The following PVR variants were observed in gnomAD, a reference collection of about 807,000 sequenced individuals.
The protein encoded by PVR is PVR cell adhesion molecule.
A neutral mutation model predicts 43.3 loss-of-function variants in PVR; 39 were observed. That is an observed-to-expected ratio of 0.90 (90% CI 0.70 to 1.18). The LOEUF is 1.18. Among genes scored for constraint, PVR ranks in the 50% most tolerant of loss-of-function variants. PVR has a pLI of 0.00. For missense variants in PVR, 480 were observed against 549.7 expected (o/e 0.87, Z 1.27); for synonymous variants, 224 against 233.2 (o/e 0.96, Z 0.36).
chr19:44,656,659 T>TGGAGAAGACAAAGC (rs1973454898), intron 4 of PVR, among the ~76,000 whole-genome samples: 2 of 152,096 alleles, frequency 1.3e-5, no homozygotes, highest in Non-Finnish European at 2.9e-5. Flanking sequence ...ATAAATACCA[T>TGGAGAAGACAAAGC]GGAGAAGACA....
At position 44,645,098 on chromosome 19, in the gene PVR, T is replaced by C. The variant is rs1416764884; in HGVS notation, c.79+923T>C. ...ATATAATATATAATAAAATATATAATATATATTATAGTAATATATAATATA... is the reference window on the plus strand; with the variant it reads ...ATATAATATATAATAAAATATATAACATATATTATAGTAATATATAATATA... On this transcript the variant is annotated intron_variant, in intron 1 of 7. Transcript: ENST00000425690. Among the ~76,000 whole-genome samples the C allele has an allele frequency of 4.8e-4, 45 of 94,528 alleles. 1 individual carries two copies. Among genetic ancestry groups the C allele is most frequent in the African/African-American group, 2.0e-3 (42 of 21,416 alleles). 62.0% of individuals were successfully genotyped at this position (94,528 alleles called of 152,430 possible). A position where few individuals can be genotyped will look rare whatever the true frequency, so the allele number is the denominator to read the frequency against.
intron 1 of PVR, among the ~76,000 whole-genome samples, chr19:44,645,413 G>GTATATATATATATATATATATA (rs1278079157): frequency 5.8e-5 from 3 of 52,092 alleles, no homozygotes; most frequent in African/African-American, 2.7e-4. Flanking sequence ...TATATGTTTT[G>GTATATATATATATATATATATA]TGTATATATA....
chr19:44,649,744 T>C (rs1363623377), intron 2 of PVR, 65 bp from the exon 3 acceptor site: 2 of 1,546,132 alleles, frequency 1.3e-6, no homozygotes, highest in South Asian at 1.2e-5. Flanking sequence ...GTACCCTTAA[T>C]GAATGCCCCC....
At chr19:44,644,254 G>A in intron 1 of PVR, 79 bp downstream of exon 1, 2 of 1,180,034 alleles carry the variant, frequency 1.7e-6, no homozygotes, top group Non-Finnish European at 2.3e-6. Context: ...GCCCCCTTGG[G>A]TTCCCGAAGA....
At position 44,647,350 on chromosome 19, in the gene PVR, T is replaced by C; in HGVS notation, c.207T>C (p.His69=). The C allele has an allele frequency of 6.2e-7, 1 of 1,613,774 alleles. No homozygotes were observed. Among genetic ancestry groups the C allele is most frequent in the Non-Finnish European group, 8.5e-7 (1 of 1,179,904 alleles). ...TGTCACAGCTGACTTGGGCGCGGCA[T>C]GGTGAATCTGGCAGCATGGCCGTCT... ...THVSQLTWAR[H]GESGSMAVFH... Residue 69 remains histidine (H), a synonymous_variant, in exon 2 of 8, where the codon CAT becomes CAC. Coordinates refer to ENST00000425690, the MANE Select transcript of PVR (RefSeq NM_006505.5).
rs115624454 is a variant in PVR at position 44,656,067 on chromosome 19, C to T, written c.843-1695C>T. On this transcript the variant is annotated intron_variant, in intron 4 of 7. Coordinates refer to ENST00000425690, the MANE Select transcript of PVR (RefSeq NM_006505.5). The stretch of plus-strand genomic sequence containing the variant: ...CCCCTTTTTTAGTGTTGCTGGGATT[C>T]CACCACTTTAAAAAAAAAATTCAAA... Among the ~76,000 whole-genome samples, 516 of 151,822 alleles carry T rather than the reference C, an allele frequency of 3.4e-3. 4 individuals are homozygous for T. Among genetic ancestry groups the T allele is most frequent in the African/African-American group, 0.012 (495 of 41,410 alleles).
In PVR at chr19:44,661,819, G is replaced by A. The variant is rs765213861; in HGVS notation, c.*8G>A. 14 of 1,613,116 alleles carry A rather than the reference G, an allele frequency of 8.7e-6. No individual in the cohort carries two copies. Among genetic ancestry groups the A allele is most frequent in the African/African-American group, 4.0e-5 (3 of 74,896 alleles). ...ACAGAGGGCACAAGGTGACAGCGTCGGGACTGAGAGGGGAGAGAGACTGGA... is the reference window on the plus strand; with the variant it reads ...ACAGAGGGCACAAGGTGACAGCGTCAGGACTGAGAGGGGAGAGAGACTGGA... On this transcript the variant is annotated 3_prime_UTR_variant, in exon 8 of 8. Transcript: ENST00000425690.
chr19:44,661,574 G>A (rs929451676), intron 7 of PVR, among the ~76,000 whole-genome samples, 166 bp from the exon 8 acceptor site: 4 of 152,062 alleles, frequency 2.6e-5, no homozygotes, highest in African/African-American at 9.7e-5. Context: ...CCTGCCCCAC[G>A]CCCCTTCAAT....
rs889039563 is a variant in PVR, at chr19:44,654,734, CT to C, written c.842+726del. On this transcript the variant is annotated intron_variant, in intron 4 of 7. Transcript: ENST00000425690. ...TAAACTTTCTTAAAACATTATGAGACTTTTTTTTTGCGAATTTTTTTAGCTC... is the reference window on the plus strand; with the variant it reads ...TAAACTTTCTTAAAACATTATGAGACTTTTTTTTGCGAATTTTTTTAGCTC... Among the ~76,000 whole-genome samples the C allele has an allele frequency of 1.7e-3, 262 of 151,760 alleles. 2 individuals carry two copies. Among genetic ancestry groups the C allele is most frequent in the South Asian group, 6.1e-3 (29 of 4,792 alleles).
chr19:44,661,413 G>A (rs1568507394), intron 7 of PVR, 90 bp downstream of exon 7: 2 of 1,395,502 alleles, frequency 1.4e-6, no homozygotes, highest in South Asian at 1.2e-5. Context: ...GGCCTCAGGA[G>A]CCTGGGTCTT....
rs866438210 is a variant in PVR, at chr19:44,649,856, G to A, written c.475G>A (p.Glu159Lys). The change falls in exon 3 of 8, where the codon GAG becomes AAG. Residue 159 changes from glutamate (E) to lysine (K), a missense_variant. Coordinates refer to ENST00000425690, the MANE Select transcript of PVR (RefSeq NM_006505.5). Reference sequence around the variant, plus strand: ...GGTTCAGAAGGTCCAGCTCACTGGAGAGCCAGTGCCCATGGCCCGCTGCGT... The same window carrying A: ...GGTTCAGAAGGTCCAGCTCACTGGAAAGCCAGTGCCCATGGCCCGCTGCGT... ...AEVQKVQLTG[E>K]PVPMARCVST... 3 of 1,614,120 alleles carry A rather than the reference G, an allele frequency of 1.9e-6. No homozygotes were observed. The highest frequency in any genetic ancestry group is 2.2e-5 in the East Asian group (1 of 44,878).
intron 2 of PVR, among the ~76,000 whole-genome samples, chr19:44,648,066 C>G (rs1973180423): frequency 6.6e-6 from 1 of 152,048 alleles, no homozygotes; most frequent in Admixed American, 6.5e-5. Flanking sequence ...ACTGCTGGGC[C>G]CCAGCACTTT....
rs139528439 is a variant in PVR at position 44,650,057 on chromosome 19, G to A, written c.676G>A (p.Glu226Lys). The A allele has an allele frequency of 7.8e-4, 1,219 of 1,554,248 alleles. 18 individuals carry two copies. In the East Asian group the frequency reaches 0.02, roughly 25 times the overall value. ...GKNVTCKVEH[E>K]SFEKPQLLTV... ...GAATGTGACCTGCAAGGTGGAGCAC[G>A]AGAGCTTTGAGAAGCCTCAGCTGCT... Residue 226 changes from glutamate (E) to lysine (K), a missense_variant, in exon 3 of 8, where the codon GAG becomes AAG. Glu to Lys is a moderately conservative substitution (Grantham distance 56). Transcript: ENST00000425690.
intron 3 of PVR, among the ~76,000 whole-genome samples, chr19:44,652,152 T>A (rs1973298892): frequency 6.6e-6 from 1 of 152,172 alleles, no homozygotes; most frequent in South Asian, 2.1e-4. Flanking sequence ...CAAAACTCCA[T>A]CTCAAAAACA....
Position 44,650,076 on chromosome 19 carries a change from A to C in PVR, c.695A>C (p.Gln232Pro). ...GAGCACGAGAGCTTTGAGAAGCCTC[A>C]GCTGCTGACTGTGAACCTCACCGTG... ...KVEHESFEKP[Q>P]LLTVNLTVYY... Residue 232 changes from glutamine to proline, a missense_variant, in exon 3 of 8, where the codon CAG becomes CCG. Physicochemically the swap from Gln to Pro is moderately conservative, Grantham distance 76. Transcript: ENST00000425690. 6.5e-7 allele frequency: 1 copy of C among 1,543,098 alleles called. No individual in the cohort carries two copies. The highest frequency in any genetic ancestry group is 1.2e-5 in the South Asian group (1 of 80,050).
intron 2 of PVR, among the ~76,000 whole-genome samples, chr19:44,649,105 C>T (rs1007537339): frequency 6.6e-6 from 1 of 152,154 alleles, no homozygotes; most frequent in Non-Finnish European, 1.5e-5. Context: ...AGGATAACCC[C>T]CTTTGGGTTT....
chr19:44,656,375 T>C (rs929747511), intron 4 of PVR, among the ~76,000 whole-genome samples: 13 of 152,204 alleles, frequency 8.5e-5, no homozygotes, highest in African/African-American at 2.7e-4. Flanking sequence ...GTGCCTTTAC[T>C]GTCCTGCCTC....
At chr19:44,653,694 A>G in intron 3 of PVR, 1 of 542,882 alleles carries the variant, frequency 1.8e-6, no homozygotes, top group Non-Finnish European at 3.4e-6. Flanking sequence ...GCTCCTCAGA[A>G]GCCTTCTCCA....
At chr19:44,657,077 C>T (rs764496056) in intron 4 of PVR, among the ~76,000 whole-genome samples, 7 of 152,254 alleles carry the variant, frequency 4.6e-5, no homozygotes, top group East Asian at 1.9e-4. Flanking sequence ...GACATCCCAG[C>T]AGAGGCCTGA....
Sources: gnomAD v4.1 joint callset for allele counts (sites outside exome capture counted in the v4.1 genomes callset) on GRCh38, gnomAD v4.1.1 for gene constraint, MANE v1.5 for transcripts, NCBI Gene and HGNC (gene_info 2026-07-23, HGNC 2026-07-21) for gene names.